Variants in CELF2 observed in about 807,000 individuals in gnomAD.
CELF2 encodes CUG triplet repeat RNA-binding protein 2.
Under a neutral mutation model 62.6 loss-of-function variants are expected in CELF2, and 8 were observed. That is an observed-to-expected ratio of 0.13 (90% CI 0.07 to 0.23). The LOEUF is 0.23. CELF2 is among the 10% of genes least tolerant of loss of function. The pLI is 1.00. For missense variants in CELF2, 333 were observed against 671.0 expected (o/e 0.50, Z 5.56); for synonymous variants, 258 against 250.0 (o/e 1.03, Z -0.30).
At chr10:10,608,687 T>C in the CELF2 span, among the ~76,000 whole-genome samples, 1 of 152,254 alleles carries the variant, frequency 6.6e-6, no homozygotes, top group South Asian at 2.1e-4. Context: ...TCTATACATT[T>C]CCAGCTCTCC....
chr10:10,604,076 G>A, the CELF2 span, among the ~76,000 whole-genome samples: 1 of 152,048 alleles, frequency 6.6e-6, no homozygotes, highest in Non-Finnish European at 1.5e-5. Flanking sequence ...CAGGTATAGT[G>A]GTGGGTGCCT....
chr10:10,782,316 C>T, the CELF2 span, among the ~76,000 whole-genome samples: 5 of 152,178 alleles, frequency 3.3e-5, no homozygotes, highest in African/African-American at 1.2e-4. Flanking sequence ...CCTGGGAGAG[C>T]TGTTCGTATA....
chr10:10,923,833 G>C (rs1276475311), intron 2 of CELF2: 1 of 152,126 alleles, frequency 6.6e-6, no homozygotes, highest in African/African-American at 2.4e-5. Context: ...ACCATTTTTT[G>C]AACTATGAAA....
At chr10:10,605,873 G>A in the CELF2 span, among the ~76,000 whole-genome samples, 1 of 152,180 alleles carries the variant, frequency 6.6e-6, no homozygotes, top group Non-Finnish European at 1.5e-5. Context: ...GAGTTATTTG[G>A]AACTGCGATA....
In CELF2 at chr10:11,011,475, A is replaced by C. The variant is rs1345909892; in HGVS notation, c.53+6035A>C. Among the ~76,000 whole-genome samples the C allele has an allele frequency of 6.6e-6, 1 of 151,876 alleles. No homozygotes were observed. ...TTCATCTTTATTATTAAAAAAAAAA[A>C]AAACGCAAAATACAATCCTTAGCTT... On this transcript the variant is annotated intron_variant, in intron 1 of 12. Transcript: ENST00000416382. This position sits in a 1 kb window ranked among gnomAD's most constrained non-coding sequence, Gnocchi z 4.6.
chr10:11,003,680 A>G (rs539873419), upstream of CELF2, among the ~76,000 whole-genome samples: 15 of 152,276 alleles, frequency 9.9e-5, no homozygotes, highest in South Asian at 3.1e-3. This position sits in a 1 kb window ranked among gnomAD's most constrained non-coding sequence, Gnocchi z 4.4. Context: ...AATGGGCTCA[A>G]ACTGTTTCTC....
Position 11,330,368 on chromosome 10 carries a change from T to C in CELF2, c.*1315T>C, listed in dbSNP as rs2095982316. The stretch of plus-strand genomic sequence containing the variant: ...CTCCCTAATGACCTAAGATTTGCAT[T>C]AGTTTTTCTCCTGCACCCTTAAAAG... On this transcript the variant is annotated 3_prime_UTR_variant, in exon 13 of 13. Transcript: ENST00000633077. This position sits in a 1 kb window ranked among gnomAD's most constrained non-coding sequence, Gnocchi z 4.5. 3 of 152,618 alleles carry C rather than the reference T, an allele frequency of 2.0e-5. No homozygotes were observed. Among genetic ancestry groups the C allele is most frequent in the African/African-American group, 7.2e-5 (3 of 41,446 alleles). The allele number at this position is 152,618 out of a possible 1,614,324, so 9.5% of individuals were successfully genotyped here.
intron 2 of CELF2, among the ~76,000 whole-genome samples, chr10:11,204,756 G>A (rs933643276): frequency 9.2e-5 from 14 of 152,234 alleles, no homozygotes; most frequent in African/African-American, 3.4e-4. Context: ...ATGGTGGTCT[G>A]TGCCCCAGGC....
In CELF2 at chr10:11,242,935, G is replaced by A. The variant is rs895197246; in HGVS notation, c.355-6218G>A. On this transcript the variant is annotated intron_variant, in intron 3 of 12. Transcript: ENST00000633077. The surrounding 1 kb of genome is among the most constrained non-coding windows in gnomAD (Gnocchi z 4.8). ...CCAGGGCGACAGGGACGGAGGCGCC[G>A]GTGGCAACTGGTGCTGGGTCAGAAC... Among the ~76,000 whole-genome samples, 7 of 152,156 alleles carry A rather than the reference G, an allele frequency of 4.6e-5. No homozygotes were observed. The highest frequency in any genetic ancestry group is 1.2e-4 in the African/African-American group (5 of 41,426).
At chr10:10,876,377 C>A (rs1203858812) in intron 1 of CELF2, among the ~76,000 whole-genome samples, 1 of 152,146 alleles carries the variant, frequency 6.6e-6, no homozygotes, top group Non-Finnish European at 1.5e-5. Context: ...TAAGTTTAAC[C>A]TGCACTTCTG....
At chr10:11,054,469 A>G (rs1418561936) in intron 1 of CELF2, among the ~76,000 whole-genome samples, 1 of 144,158 alleles carries the variant, frequency 6.9e-6, no homozygotes, top group East Asian at 2.0e-4. Context: ...TTAAAGAAGA[A>G]AACAACTGTG....
chr10:10,704,845 A>T, the CELF2 span, among the ~76,000 whole-genome samples: 1 of 151,026 alleles, frequency 6.6e-6, no homozygotes, highest in African/African-American at 2.4e-5. Flanking sequence ...ATGCTCACCC[A>T]CCCCATCCCC....
chr10:10,624,354 A>G, the CELF2 span, among the ~76,000 whole-genome samples: 1 of 152,352 alleles, frequency 6.6e-6, no homozygotes, highest in Admixed American at 6.5e-5. Context: ...CACGTGAGCC[A>G]TACTAACAAG....
At chr10:10,954,215 TTATTATTATTATTATTATTA>T (rs2048637296) in intron 2 of CELF2, among the ~76,000 whole-genome samples, 4 of 6,094 alleles carry the variant, frequency 6.6e-4, no homozygotes, top group African/African-American at 1.2e-3. Context: ...AATTTATTTA[TTATTATTATTATTATTATTA>T]TTATTATTAT....
At chr10:10,798,336 A>G (rs1022753113), upstream of CELF2, 2 of 158,182 alleles carry the variant, frequency 1.3e-5, no homozygotes, top group Non-Finnish European at 2.8e-5. Flanking sequence ...CAGGAGAAAT[A>G]CCCCCAAGGA....
the CELF2 span, among the ~76,000 whole-genome samples, chr10:10,750,822 G>A: frequency 1.2e-4 from 18 of 152,314 alleles, no homozygotes; most frequent in South Asian, 6.2e-4. Flanking sequence ...TGGCAAAGGC[G>A]TCCTTGAAAC....
the CELF2 span, among the ~76,000 whole-genome samples, chr10:10,761,208 G>C: frequency 4.6e-5 from 7 of 152,184 alleles, no homozygotes; most frequent in Non-Finnish European, 1.0e-4. Context: ...TTATTTGAGG[G>C]GAGGTAGGAG....
At chr10:10,471,590 C>G in the CELF2 span, among the ~76,000 whole-genome samples, 1 of 151,564 alleles carries the variant, frequency 6.6e-6, no homozygotes, top group Non-Finnish European at 1.5e-5. Context: ...AAGTATATTT[C>G]CATTTACTTT....
chr10:11,254,744 T>C (rs1259271727), intron 4 of CELF2, among the ~76,000 whole-genome samples: 1 of 152,238 alleles, frequency 6.6e-6, no homozygotes, highest in Non-Finnish European at 1.5e-5. Context: ...AACCAGATTG[T>C]TCAGGGTAAG....
Sources: gnomAD v4.1 joint callset for allele counts (sites outside exome capture counted in the v4.1 genomes callset) on GRCh38, gnomAD v4.1.1 for gene constraint, Gnocchi (gnomAD v3.1) non-coding constraint, MANE v1.5 for transcripts, NCBI Gene and HGNC (gene_info 2026-07-23, HGNC 2026-07-21) for gene names.